PDE4D: variants seen among roughly 807,000 people sequenced by gnomAD.
PDE4D encodes phosphodiesterase 4D.
In PDE4D, 24 loss-of-function variants were observed where a neutral mutation model predicts 87.4. The ratio of observed to expected loss-of-function variants is 0.27; its 90% CI spans 0.20 to 0.39. The LOEUF (loss-of-function observed/expected upper bound fraction) is 0.39. Among genes scored for constraint, PDE4D ranks in the 10% least tolerant of loss-of-function variants. The pLI is 1.00. For missense variants in PDE4D, 714 were observed against 1,041.0 expected, an observed-to-expected ratio of 0.69 and a Z score of 4.32; for synonymous variants, 384 against 383.2, an observed-to-expected ratio of 1.00 and a Z score of -0.02.
rs562766124 is a variant in PDE4D at position 60,395,882 on chromosome 5, C to T, written c.-90+92060G>A. Among the ~76,000 whole-genome samples, 32 of 152,198 alleles carry T rather than the reference C, an allele frequency of 2.1e-4. No individual in the cohort carries two copies. The East Asian group carries it at 5.4e-3, about 26-fold the overall frequency. The stretch of plus-strand genomic sequence containing the variant: ...TTGAGCCCCCTAACCAATATCACAC[C>T]GCTTAAGCCTGCCCATTACCACCAC... On this transcript the variant is annotated intron_variant, in intron 1 of 16. Transcript: ENST00000502484.
rs1281072840 is a variant in PDE4D, at chr5:59,764,424, T to C, written c.455+128744A>G. 1.3e-5 allele frequency among the ~76,000 whole-genome samples: 2 copies of C among 152,192 alleles called. 1 individual carries two copies. The highest frequency in any genetic ancestry group is 4.1e-4 in the South Asian group (2 of 4,832). On this transcript the variant is annotated intron_variant, in intron 1 of 14. Coordinates refer to ENST00000340635, the MANE Select transcript of PDE4D (RefSeq NM_001104631.2). ...GAAACTGAAGCACACGTTAAGTAAC[T>C]TGACCAAAGTCACACAATTACTAAA...
At chr5:59,375,936 A>C (rs1238889548) in intron 1 of PDE4D, among the ~76,000 whole-genome samples, 1 of 152,172 alleles carries the variant, frequency 6.6e-6, no homozygotes, top group Middle Eastern at 3.2e-3. Flanking sequence ...AAGACAAAAA[A>C]CACATGATTA....
At chr5:59,675,024 A>G (rs1008673109) in intron 1 of PDE4D, among the ~76,000 whole-genome samples, 5 of 152,184 alleles carry the variant, frequency 3.3e-5, no homozygotes, top group Non-Finnish European at 7.3e-5. Flanking sequence ...CACTTCAACT[A>G]CCTGTAACTA....
intron 1 of PDE4D, among the ~76,000 whole-genome samples, chr5:60,369,364 C>T (rs912587905): frequency 6.6e-5 from 10 of 152,136 alleles, no homozygotes; most frequent in Non-Finnish European, 1.3e-4. Context: ...GCAGAGAGGA[C>T]ATTTTGATCC....
At chr5:59,406,926 C>T (rs117649939) in intron 1 of PDE4D, among the ~76,000 whole-genome samples, 2 of 152,204 alleles carry the variant, frequency 1.3e-5, no homozygotes, top group East Asian at 3.9e-4. Context: ...TTGCATTAGG[C>T]TTTTTGTTGA....
chr5:60,171,606 T>C (rs1306437720), intron 2 of PDE4D, among the ~76,000 whole-genome samples: 1 of 152,122 alleles, frequency 6.6e-6, no homozygotes, highest in African/African-American at 2.4e-5. Context: ...GATTAAAACC[T>C]ATCCCACTGT....
At chr5:59,067,269 G>A (rs1580622136) in intron 5 of PDE4D, among the ~76,000 whole-genome samples, 1 of 151,816 alleles carries the variant, frequency 6.6e-6, no homozygotes, top group Non-Finnish European at 1.5e-5. Flanking sequence ...TGCCCACCTC[G>A]GCCTCCCAAA....
chr5:59,224,909 A>G (rs2112956), intron 1 of PDE4D, among the ~76,000 whole-genome samples: 35,497 of 152,088 alleles, frequency 0.23, 5,680 homozygotes, highest in East Asian at 0.47. Context: ...TTGTGAGAAC[A>G]TTTCTGTTTA....
At chr5:60,430,881 T>A (rs1032827787) in intron 1 of PDE4D, 1 of 247,008 alleles carries the variant, frequency 4.0e-6, no homozygotes, top group African/African-American at 2.4e-5. Context: ...ATCAACAGGA[T>A]CCCAAGGCAG....
chr5:60,338,360 T>G lies in PDE4D; in HGVS notation c.-90+149582A>C, dbSNP rs1758003167. 2.0e-5 allele frequency among the ~76,000 whole-genome samples: 3 copies of G among 152,222 alleles called. No homozygotes were observed. In the South Asian group the frequency reaches 6.2e-4, roughly 31 times the overall value. The stretch of plus-strand genomic sequence containing the variant: ...GGAGCAAGAATCACGACCACTATCC[T>G]GTAGCAAGAATTACAGCCAGGACAC... On this transcript the variant is annotated intron_variant, in intron 1 of 16. Transcript: ENST00000502484.
At chr5:59,063,207 C>A (rs1008630594) in intron 5 of PDE4D, 2 of 152,178 alleles carry the variant, frequency 1.3e-5, no homozygotes, top group African/African-American at 4.8e-5. Flanking sequence ...CTACTCTAGA[C>A]TGGTGACTTC....
At chr5:59,283,869 C>T (rs921306154) in intron 1 of PDE4D, among the ~76,000 whole-genome samples, 6 of 152,084 alleles carry the variant, frequency 3.9e-5, no homozygotes, top group African/African-American at 7.2e-5. Flanking sequence ...CAGTGAACAT[C>T]ACAGGGGGAT....
At chr5:60,006,528 G>A (rs1247915372) in intron 2 of PDE4D, among the ~76,000 whole-genome samples, 1 of 151,852 alleles carries the variant, frequency 6.6e-6, no homozygotes, top group Non-Finnish European at 1.5e-5. Flanking sequence ...TAAGCAATAT[G>A]TCCCCCATGC....
intron 2 of PDE4D, among the ~76,000 whole-genome samples, chr5:60,128,380 C>T (rs999994411): frequency 6.6e-6 from 1 of 152,170 alleles, no homozygotes; most frequent in South Asian, 2.1e-4. Flanking sequence ...TCCTTCTTCC[C>T]TGGGCCCATA....
At chr5:59,088,424 A>G (rs1248385210) in intron 5 of PDE4D, among the ~76,000 whole-genome samples, 1 of 152,230 alleles carries the variant, frequency 6.6e-6, no homozygotes, top group Non-Finnish European at 1.5e-5. Flanking sequence ...CAGAACTAGC[A>G]TTCAACCCAG....
Position 60,005,170 on chromosome 5 carries a change from AGG to A in PDE4D, c.43-16455_43-16454del, listed in dbSNP as rs1764356043. On this transcript the variant is annotated intron_variant, in intron 2 of 16. Coordinates refer to the PDE4D transcript ENST00000502484. ...TTTGAGAAAACATGGATAAACCTGG[AGG>A]ACATTATGCTAACTGAAATAAACCA... Among the ~76,000 whole-genome samples the A allele has an allele frequency of 2.0e-5, 3 of 152,274 alleles. No individual in the cohort carries two copies. The South Asian group carries it at 6.2e-4, about 32-fold the overall frequency.
chr5:59,054,675 G>A (rs927046515), intron 5 of PDE4D, among the ~76,000 whole-genome samples: 11 of 151,772 alleles, frequency 7.2e-5, no homozygotes, highest in African/African-American at 4.8e-5. Context: ...ATATATATTC[G>A]AGCCAATACA....
chr5:59,041,366 C>T (rs1759660899), intron 5 of PDE4D, among the ~76,000 whole-genome samples: 1 of 152,196 alleles, frequency 6.6e-6, no homozygotes, highest in Non-Finnish European at 1.5e-5. Context: ...CAATCATTTT[C>T]ATTTTACTGA....
At chr5:59,134,837 C>T (rs111761536) in intron 5 of PDE4D, among the ~76,000 whole-genome samples, 1,721 of 152,236 alleles carry the variant, frequency 0.011, 11 homozygotes, top group Non-Finnish European at 0.02. Flanking sequence ...AATACTTTTC[C>T]TCATGGCTCC....
Sources: allele counts gnomAD v4.1 joint callset (sites outside exome capture counted in the v4.1 genomes callset), GRCh38; gene constraint gnomAD v4.1.1; transcripts MANE v1.5; gene names NCBI Gene and HGNC (gene_info 2026-07-23, HGNC 2026-07-21).